The following RXRG variants were observed in gnomAD, a reference collection of about 807,000 sequenced individuals.
The protein encoded by RXRG is retinoid X receptor gamma.
Under a neutral mutation model 49.2 loss-of-function variants are expected in RXRG, and 19 were observed. That is an observed-to-expected ratio of 0.39 (90% confidence interval 0.27 to 0.57). The LOEUF is 0.57. Ranked by LOEUF, RXRG falls within the 20% of genes least tolerant of loss-of-function variation. The pLI is 0.64. For synonymous variants in RXRG, 224 were observed against 216.6 expected, an observed-to-expected ratio of 1.03 and a Z score of -0.30; for missense variants, 452 against 592.5, an observed-to-expected ratio of 0.76 and a Z score of 2.46.
At chr1:165,423,911 G>A (rs456561) in intron 2 of RXRG, among the ~76,000 whole-genome samples, 152,290 of 152,348 alleles carry the variant, frequency 1, 76,116 homozygotes, top group East Asian at 1. Flanking sequence ...TATTTTCTAT[G>A]AAAATGCAAA....
At chr1:165,416,752 C>A (rs11806846) in intron 4 of RXRG, among the ~76,000 whole-genome samples, 1 of 152,158 alleles carries the variant, frequency 6.6e-6, no homozygotes, top group Non-Finnish European at 1.5e-5. Context: ...ACCATCTGGG[C>A]TCCAGAAGAG....
chr1:165,442,348 A>G (rs370641666), intron 1 of RXRG, among the ~76,000 whole-genome samples: 31 of 152,364 alleles, frequency 2.0e-4, no homozygotes, highest in African/African-American at 6.7e-4. Flanking sequence ...AACAAAATGG[A>G]AAACCTCAAC....
intron 2 of RXRG, 28 bp from the exon 3 acceptor site, chr1:165,420,042 A>ACAGAGC (rs1220419382): frequency 6.5e-7 from 1 of 1,548,384 alleles, no homozygotes; most frequent in South Asian, 1.2e-5. Flanking sequence ...ACTGTAAAGC[A>ACAGAGC]CAGAGCCAGA....
intron 9 of RXRG, among the ~76,000 whole-genome samples, chr1:165,406,161 C>G (rs1220248086): frequency 2.3e-5 from 2 of 87,158 alleles, no homozygotes; most frequent in African/African-American, 8.3e-5. Flanking sequence ...TTTAATAACT[C>G]AGAAATACCT....
intron 1 of RXRG, among the ~76,000 whole-genome samples, chr1:165,440,176 C>T (rs1658937554): frequency 6.6e-6 from 1 of 152,196 alleles, no homozygotes; most frequent in South Asian, 2.1e-4. Context: ...CATGGTAGAG[C>T]TGGGATTAAA....
intron 1 of RXRG, among the ~76,000 whole-genome samples, chr1:165,443,522 C>T (rs1001315544): frequency 2.0e-5 from 3 of 152,168 alleles, no homozygotes; most frequent in African/African-American, 7.2e-5. Flanking sequence ...TGGCCCTCAC[C>T]CCAAGTCCAA....
At chr1:165,428,335 G>C (rs915108350) in intron 2 of RXRG, among the ~76,000 whole-genome samples, 2 of 152,160 alleles carry the variant, frequency 1.3e-5, no homozygotes, top group Non-Finnish European at 2.9e-5. Flanking sequence ...GCCATTTCCT[G>C]ATCATTTCTG....
intron 1 of RXRG, among the ~76,000 whole-genome samples, chr1:165,429,321 G>A (rs1658599859): frequency 6.6e-6 from 1 of 152,190 alleles, no homozygotes; most frequent in Non-Finnish European, 1.5e-5. Context: ...CAGGGAAGGT[G>A]AGTCTATACC....
At chr1:165,441,459 C>T (rs1045757398) in intron 1 of RXRG, among the ~76,000 whole-genome samples, 4 of 152,168 alleles carry the variant, frequency 2.6e-5, no homozygotes, top group African/African-American at 7.2e-5. Context: ...GGGTTCAATC[C>T]CTGGCTGTGC....
chr1:165,412,219 G>C (rs1657977204), intron 4 of RXRG, among the ~76,000 whole-genome samples: 1 of 152,110 alleles, frequency 6.6e-6, no homozygotes, highest in African/African-American at 2.4e-5. Flanking sequence ...TCTCAAGGTA[G>C]GTCAGAGAAG....
Position 165,409,596 on chromosome 1 carries a change from G to T in RXRG, c.1008C>A (p.Ser336Arg), listed in dbSNP as rs1312545835. Residue 336 changes from serine (S) to arginine (R), a missense_variant, in exon 7 of 10, where the codon AGC (serine) becomes AGA (arginine). Physicochemically the swap from Ser to Arg is moderately radical, Grantham distance 110. Coordinates refer to ENST00000359842, the MANE Select transcript of RXRG (RefSeq NM_006917.5). ...LLATGLHVHR[S>R]SAHSAGVGSI... ...AGCCGACCCCAGCACTGTGGGCACT[G>T]CTCCGGTGGACATGTAAACCCGTGG... 5 of 1,567,698 alleles carry T rather than the reference G, an allele frequency of 3.2e-6. No homozygotes were observed. The Admixed American group carries it at 9.4e-5, about 29-fold the overall frequency.
chr1:165,408,142 G>T, intron 8 of RXRG, 85 bp downstream of exon 8: 2 of 1,006,330 alleles, frequency 2.0e-6, no homozygotes, highest in Non-Finnish European at 1.6e-6. Flanking sequence ...CAGCTGAGAT[G>T]GAGGACCAAT....
At chr1:165,429,802 G>A (rs536211608) in intron 1 of RXRG, among the ~76,000 whole-genome samples, 65 of 152,124 alleles carry the variant, frequency 4.3e-4, no homozygotes, top group Non-Finnish European at 7.1e-4. Context: ...TCTGGGTGAG[G>A]AGGTCATCAG....
At chr1:165,402,062 T>C (rs1557907044) in intron 9 of RXRG, among the ~76,000 whole-genome samples, 1 of 152,030 alleles carries the variant, frequency 6.6e-6, no homozygotes, top group South Asian at 2.1e-4. Flanking sequence ...CAAATTTTTG[T>C]TGCCAATTTG....
At position 165,437,257 on chromosome 1, in the gene RXRG, T is replaced by G. The variant is rs1057220708; in HGVS notation, c.49+7588A>C. The G allele has an allele frequency of 2.2e-6, 3 of 1,355,520 alleles. No homozygotes were observed. The African/African-American group carries it at 4.4e-5, about 20-fold the overall frequency. The allele number at this position is 1,355,520 out of a possible 1,614,324, so 84.0% of individuals were successfully genotyped here. Reference sequence around the variant, plus strand: ...CAGCCAGCACGCCTGGCTAAGCATCTGCTTGTATATGGGCTGTGTAAGACA... The same window carrying G: ...CAGCCAGCACGCCTGGCTAAGCATCGGCTTGTATATGGGCTGTGTAAGACA... On this transcript the variant is annotated intron_variant, in intron 1 of 9. Transcript: ENST00000359842.
At chr1:165,441,384 CT>C (rs2101750182) in intron 1 of RXRG, among the ~76,000 whole-genome samples, 1 of 152,328 alleles carries the variant, frequency 6.6e-6, no homozygotes, top group Non-Finnish European at 1.5e-5. Flanking sequence ...TGCAGAGCAA[CT>C]GTGTCACTCA....
intron 2 of RXRG, among the ~76,000 whole-genome samples, chr1:165,424,021 A>C (rs978467534): frequency 6.6e-6 from 1 of 152,190 alleles, no homozygotes; most frequent in African/African-American, 2.4e-5. Flanking sequence ...GAGGGGAGAA[A>C]AAGACAGGAG....
At chr1:165,404,336 C>T (rs1346733133) in intron 9 of RXRG, among the ~76,000 whole-genome samples, 1 of 152,224 alleles carries the variant, frequency 6.6e-6, no homozygotes, top group African/African-American at 2.4e-5. Context: ...TGCCCTAGTC[C>T]TGGCAACAAG....
At chr1:165,442,844 T>C (rs770206161) in intron 1 of RXRG, among the ~76,000 whole-genome samples, 6 of 152,240 alleles carry the variant, frequency 3.9e-5, no homozygotes, top group Non-Finnish European at 8.8e-5. Context: ...AGAGGTTCAC[T>C]AGCTTGCCTA....
Sources: allele counts gnomAD v4.1 joint callset (sites outside exome capture counted in the v4.1 genomes callset), GRCh38; gene constraint gnomAD v4.1.1; transcripts MANE v1.5; gene names NCBI Gene and HGNC (gene_info 2026-07-23, HGNC 2026-07-21).